The following GRM7 variants were observed in gnomAD, a reference collection of about 807,000 sequenced individuals.
The protein encoded by GRM7 is metabotropic glutamate receptor 7.
Under a neutral mutation model 84.5 loss-of-function variants are expected in GRM7, and 35 were observed. The observed-to-expected ratio is 0.41, with a 90% CI of 0.32 to 0.55. GRM7 has a LOEUF of 0.55. Among genes scored for constraint, GRM7 ranks in the 20% least tolerant of loss-of-function variants. The pLI is 0.19. For missense variants in GRM7, 1,003 were observed against 1,194.6 expected, an observed-to-expected ratio of 0.84 and a Z score of 2.36; for synonymous variants, 487 against 455.1, an observed-to-expected ratio of 1.07 and a Z score of -0.89.
At chr3:7,348,501 T>C (rs1434063631) in intron 4 of GRM7, among the ~76,000 whole-genome samples, 1 of 152,086 alleles carries the variant, frequency 6.6e-6, no homozygotes, top group African/African-American at 2.4e-5. Context: ...TCTCTTTTAT[T>C]TGGGATAATG....
At chr3:6,997,282 G>T (rs185272693) in intron 1 of GRM7, among the ~76,000 whole-genome samples, 3 of 151,810 alleles carry the variant, frequency 2.0e-5, no homozygotes, top group African/African-American at 7.3e-5. Flanking sequence ...TAGAAACTTC[G>T]GCTTAATATT....
Position 6,872,510 on chromosome 3 carries a change from C to T in GRM7, c.519+10603C>T, listed in dbSNP as rs117251168. Among the ~76,000 whole-genome samples the T allele has an allele frequency of 8.5e-5, 13 of 152,170 alleles. No individual in the cohort carries two copies. In the East Asian group the frequency reaches 2.1e-3, roughly 25 times the overall value. On this transcript the variant is annotated intron_variant, in intron 1 of 9. Transcript: ENST00000357716. ...TTAAGTGCTGGGATACATGTACAGA[C>T]GTGCAGGTTTGTTACATAGGTATAC...
chr3:7,578,331 C>T, intron 7 of GRM7, 91 bp from the exon 8 acceptor site: 2 of 788,224 alleles, frequency 2.5e-6, no homozygotes, highest in South Asian at 3.6e-5. Flanking sequence ...CCTCATATGT[C>T]ACTTGCCATG....
intron 7 of GRM7, among the ~76,000 whole-genome samples, chr3:7,542,595 T>C (rs1692939058): frequency 6.7e-6 from 1 of 149,696 alleles, no homozygotes; most frequent in Non-Finnish European, 1.5e-5. Flanking sequence ...GTCGCCAGAC[T>C]GGAGTGCAGT....
At chr3:6,879,647 C>G (rs1695435553) in intron 1 of GRM7, among the ~76,000 whole-genome samples, 1 of 152,116 alleles carries the variant, frequency 6.6e-6, no homozygotes, top group Non-Finnish European at 1.5e-5. Context: ...CCAGACCTCA[C>G]CACACAGTTA....
intron 4 of GRM7, among the ~76,000 whole-genome samples, chr3:7,342,644 T>C (rs1462100914): frequency 1.3e-5 from 2 of 151,602 alleles, no homozygotes; most frequent in African/African-American, 2.4e-5. Context: ...AGCAGGTTCC[T>C]AGGTTCCATC....
At chr3:7,691,561 C>G (rs1700800324) in intron 9 of GRM7, among the ~76,000 whole-genome samples, 1 of 152,136 alleles carries the variant, frequency 6.6e-6, no homozygotes, top group Non-Finnish European at 1.5e-5. Flanking sequence ...GCATGAGATT[C>G]TGTATATGAA....
intron 1 of GRM7, among the ~76,000 whole-genome samples, chr3:7,000,406 C>G (rs1334485537): frequency 6.6e-6 from 1 of 151,938 alleles, no homozygotes. Flanking sequence ...AGGATGGTCT[C>G]GAACTCCTGA....
chr3:6,902,850 T>TACACACACACACACACAC (rs34849112), intron 1 of GRM7, among the ~76,000 whole-genome samples: 111 of 134,542 alleles, frequency 8.3e-4, no homozygotes, highest in Non-Finnish European at 1.3e-3. Flanking sequence ...AACAGACTCC[T>TACACACACACACACACAC]ACACACACAC....
chr3:7,661,115 G>A (rs1026094781), intron 8 of GRM7, among the ~76,000 whole-genome samples: 9 of 152,136 alleles, frequency 5.9e-5, no homozygotes, highest in African/African-American at 1.2e-4. Context: ...GGACTTCATC[G>A]AAATTAGAAA....
In GRM7 at chr3:6,968,951, C is replaced by T. The variant is rs1199429004; in HGVS notation, c.519+107044C>T. ...AATTCAATTTGTGTGTAAAATCTACCAAAAATTGAATGTTGACAACTAATT... is the reference window on the plus strand; with the variant it reads ...AATTCAATTTGTGTGTAAAATCTACTAAAAATTGAATGTTGACAACTAATT... On this transcript the variant is annotated intron_variant, in intron 1 of 9. Transcript: ENST00000357716. 3.3e-5 allele frequency among the ~76,000 whole-genome samples: 5 copies of T among 152,074 alleles called. No homozygotes were observed. The South Asian group carries it at 8.3e-4, about 25-fold the overall frequency.
intron 1 of GRM7, among the ~76,000 whole-genome samples, chr3:7,008,737 A>G (rs1695265812): frequency 6.6e-6 from 1 of 152,188 alleles, no homozygotes. Flanking sequence ...TCAGAGCCTG[A>G]GTAGACTCAC....
At chr3:7,024,277 C>G (rs538503191) in intron 1 of GRM7, among the ~76,000 whole-genome samples, 31 of 152,172 alleles carry the variant, frequency 2.0e-4, no homozygotes, top group Admixed American at 1.8e-3. Flanking sequence ...ATGTCTAAAC[C>G]TTCTGCAAGA....
At chr3:7,051,362 C>G (rs1030637047) in intron 1 of GRM7, among the ~76,000 whole-genome samples, 3 of 151,624 alleles carry the variant, frequency 2.0e-5, no homozygotes, top group Non-Finnish European at 3.0e-5. Flanking sequence ...AATTCCTGCT[C>G]AACTGGGCAG....
chr3:7,102,613 T>G (rs1699150126), intron 1 of GRM7, among the ~76,000 whole-genome samples: 2 of 151,734 alleles, frequency 1.3e-5, no homozygotes, highest in Non-Finnish European at 2.9e-5. Context: ...TGGAGAACAT[T>G]TATCTAGTTT....
chr3:7,464,670 A>G (rs961178582), intron 7 of GRM7, among the ~76,000 whole-genome samples: 3 of 151,948 alleles, frequency 2.0e-5, no homozygotes, highest in Non-Finnish European at 4.4e-5. Flanking sequence ...CTCTAAAAAT[A>G]CAAAAAAATT....
chr3:7,130,121 A>G (rs988648428), intron 1 of GRM7, among the ~76,000 whole-genome samples: 5 of 152,224 alleles, frequency 3.3e-5, no homozygotes, highest in African/African-American at 1.2e-4. Flanking sequence ...TAGCACTAAC[A>G]TTCCATCTTT....
intron 4 of GRM7, among the ~76,000 whole-genome samples, chr3:7,370,311 A>G (rs1401048458): frequency 2.6e-5 from 4 of 152,102 alleles, no homozygotes; most frequent in African/African-American, 7.2e-5. Context: ...TCTCTTATCC[A>G]TGTACCCCAC....
chr3:7,726,200 T>C (rs758042660), intron 9 of GRM7, among the ~76,000 whole-genome samples: 1 of 151,960 alleles, frequency 6.6e-6, no homozygotes, highest in Non-Finnish European at 1.5e-5. Context: ...GAGTCACCCC[T>C]TAGAGGCCTC....
Sources: allele counts gnomAD v4.1 joint callset (sites outside exome capture counted in the v4.1 genomes callset), GRCh38; gene constraint gnomAD v4.1.1; transcripts MANE v1.5; gene names NCBI Gene and HGNC (gene_info 2026-07-23, HGNC 2026-07-21).